Variants in NXF3 observed in about 807,000 individuals in gnomAD.
NXF3 encodes TAP-like protein 3.
In NXF3, 34 loss-of-function variants were observed where a neutral mutation model predicts 48.4. The observed-to-expected ratio is 0.70, with a 90% CI of 0.53 to 0.93. The LOEUF is 0.93. Ranked by LOEUF, NXF3 falls within the 40% of genes least tolerant of loss-of-function variation. NXF3 has a pLI of 0.00. For synonymous variants in NXF3, 132 were observed against 145.7 expected (o/e 0.91, Z 0.68); for missense variants, 359 against 406.1 (o/e 0.88, Z 1.00).
At chrX:103,087,758 A>G (rs1922188670) in intron 1 of NXF3, 1 of 960,988 alleles carries the variant, frequency 1.0e-6, no homozygotes, top group African/African-American at 1.9e-5. Flanking sequence ...GAGGCCTTTT[A>G]AATGTCTCTC....
chrX:103,090,619 G>T (rs952843500), intron 1 of NXF3, among the ~76,000 whole-genome samples: 5 of 112,098 alleles, frequency 4.5e-5, no homozygotes, highest in African/African-American at 1.6e-4. Context: ...CCTCTATTGA[G>T]AATGTGGATA....
intron 1 of NXF3, chrX:103,087,512 C>T: frequency 9.9e-7 from 1 of 1,014,299 alleles, no homozygotes; most frequent in Non-Finnish European, 1.4e-6. Flanking sequence ...CACAATGAAA[C>T]CTATCAGAAT....
At position 103,079,379 on chromosome X, in the gene NXF3, C is replaced by T. The variant is rs1221546342; in HGVS notation, c.1315G>A (p.Val439Met). 4 of 1,209,611 alleles carry T rather than the reference C, an allele frequency of 3.3e-6. No homozygotes were observed. In the Admixed American group the frequency reaches 8.7e-5, roughly 26 times the overall value. Residue 439 changes from valine (V) to methionine (M), a missense_variant, in exon 15 of 20, where the codon GTG becomes ATG. Coordinates refer to ENST00000395065, the MANE Select transcript of NXF3 (RefSeq NM_022052.2). Reference protein sequence around the residue: ...KTQHDLSSFLVDMWYQTEWML... With the variant: ...KTQHDLSSFLMDMWYQTEWML... ...CTCACCGTCTGGTACCACATGTCCA[C>T]CAGGAAGGAGCTGAGGTCATGCTGA...
intron 1 of NXF3, among the ~76,000 whole-genome samples, chrX:103,085,835 A>G (rs1449798079): frequency 9.7e-6 from 1 of 102,667 alleles, no homozygotes; most frequent in Non-Finnish European, 2.0e-5. Context: ...CCCAGGAGGC[A>G]GAGCTTGCAG....
At chrX:103,087,827 G>C in intron 1 of NXF3, 1 of 925,251 alleles carries the variant, frequency 1.1e-6, no homozygotes, top group South Asian at 2.1e-5. Flanking sequence ...TACACATTCA[G>C]AAGACCTTTT....
In NXF3 at chrX:103,082,185, C is replaced by T. The variant is rs770763350; in HGVS notation, c.890+70G>A. ...TGGTCCTCCCAGAAGACTAGTGCTGCCTCCTCCTGCAGAAGGGCGCTATCA... is the reference window on the plus strand; with the variant it reads ...TGGTCCTCCCAGAAGACTAGTGCTGTCTCCTCCTGCAGAAGGGCGCTATCA... On this transcript the variant is annotated intron_variant, in intron 9 of 19. Coordinates refer to ENST00000395065, the MANE Select transcript of NXF3 (RefSeq NM_022052.2). 11 of 689,095 alleles carry T rather than the reference C, an allele frequency of 1.6e-5. No homozygotes were observed. The South Asian group carries it at 2.2e-4, about 14-fold the overall frequency. 56.8% of individuals were successfully genotyped at this position (689,095 alleles called of 1,213,427 possible).
chrX:103,079,114 G>A (rs1921943706), intron 16 of NXF3, 107 bp downstream of exon 16: 1 of 834,783 alleles, frequency 1.2e-6, no homozygotes, highest in Non-Finnish European at 1.8e-6. Flanking sequence ...GGGAACAAGA[G>A]GAAGGAAAGG....
chrX:103,091,286 A>T (rs1922266094), intron 1 of NXF3, among the ~76,000 whole-genome samples: 1 of 112,006 alleles, frequency 8.9e-6, no homozygotes, highest in African/African-American at 3.3e-5. Context: ...AGATGTACTG[A>T]AGTGCTATTT....
chrX:103,084,983 G>C, intron 1 of NXF3, 100 bp from the exon 2 acceptor site: 1 of 841,389 alleles, frequency 1.2e-6, no homozygotes. Context: ...TATTTATTTA[G>C]AGTCAGGATC....
chrX:103,082,426 T>C, intron 8 of NXF3, 62 bp from the exon 9 acceptor site: 1 of 759,420 alleles, frequency 1.3e-6, no homozygotes, highest in Non-Finnish European at 2.0e-6. Context: ...CCCTGCACCC[T>C]CAGTCTCCTC....
chrX:103,082,822 C>T lies in NXF3; in HGVS notation c.718G>A (p.Ala240Thr). The T allele has an allele frequency of 2.5e-6, 3 of 1,210,055 alleles. No individual in the cohort carries two copies. The highest frequency in any genetic ancestry group is 3.4e-6 in the Non-Finnish European group (3 of 894,126). The change falls in exon 8 of 20, where the codon GCA becomes ACA. Residue 240 changes from alanine to threonine, a missense_variant. Ala to Thr is a moderately conservative substitution (Grantham distance 58). Transcript: ENST00000395065. The part of the protein sequence containing the change: ...PDMVNRDTKM[A>T]SNPRKCMAAS... Reference sequence around the variant, plus strand: ...GCCATGCACTTTCTAGGATTCGATGCCATCTTAGTATCACGGTTCACCATG... The same window carrying T: ...GCCATGCACTTTCTAGGATTCGATGTCATCTTAGTATCACGGTTCACCATG...
At chrX:103,084,564 G>A in intron 2 of NXF3, 69 bp from the exon 3 acceptor site, 3 of 1,149,227 alleles carry the variant, frequency 2.6e-6, no homozygotes, top group Non-Finnish European at 3.6e-6. Context: ...TTGATCCACT[G>A]ATACCAGGGC....
intron 5 of NXF3, 46 bp from the exon 6 acceptor site, chrX:103,083,319 C>T (rs1426290458): frequency 1.4e-5 from 17 of 1,179,297 alleles, no homozygotes; most frequent in Non-Finnish European, 2.0e-5. Context: ...GGAACTCTGA[C>T]CCCCAAGATC....
chrX:103,087,457 C>A (rs182476811), intron 1 of NXF3: 6 of 1,076,090 alleles, frequency 5.6e-6, no homozygotes, highest in Non-Finnish European at 7.8e-6. Context: ...TGTTTGTCAG[C>A]GCCACTTAAA....
Position 103,075,894 on chromosome X carries a change from G to C in NXF3, c.*156C>G. The C allele has an allele frequency of 5.2e-6, 1 of 193,014 alleles. No homozygotes were observed. Among genetic ancestry groups the C allele is most frequent in the Non-Finnish European group, 9.6e-6 (1 of 104,654 alleles). 15.9% of individuals were successfully genotyped at this position (193,014 alleles called of 1,213,427 possible). On this transcript the variant is annotated 3_prime_UTR_variant, in exon 20 of 20. Transcript: ENST00000395065. Reference sequence around the variant, plus strand: ...CTGGGGGTAACAGGGGTGGACAAGTGCACAGAACAACTGGCCCCTTTGGAA... The same window carrying C: ...CTGGGGGTAACAGGGGTGGACAAGTCCACAGAACAACTGGCCCCTTTGGAA...
At chrX:103,084,535 G>C (rs186991324) in intron 2 of NXF3, 40 bp from the exon 3 acceptor site, 1 of 1,194,225 alleles carries the variant, frequency 8.4e-7, no homozygotes, top group Admixed American at 2.2e-5. Context: ...CATATGCTCC[G>C]AAAGTATTTT....
chrX:103,081,601 C>T (rs1272764908), intron 9 of NXF3: 1 of 112,734 alleles, frequency 8.9e-6, no homozygotes, highest in East Asian at 2.8e-4. Flanking sequence ...GTCTCCTCAA[C>T]CTCCTCTGCC....
chrX:103,085,095 G>A (rs1275587448), intron 1 of NXF3, among the ~76,000 whole-genome samples: 2 of 111,297 alleles, frequency 1.8e-5, no homozygotes, highest in African/African-American at 6.5e-5. Flanking sequence ...CTCCCAAGTA[G>A]CTGGGACTAC....
At position 103,077,532 on chromosome X, in the gene NXF3, G is replaced by A. The variant is rs183665555; in HGVS notation, c.1584+82C>T. ...CTCCCAAAGTGCTGGGATTACAGGC[G>A]TGAGCCACCGCGCCCGGCCCAGCAC... is the stretch of plus-strand genomic sequence containing the variant. On this transcript the variant is annotated intron_variant, in intron 18 of 19. Coordinates refer to ENST00000395065, the MANE Select transcript of NXF3 (RefSeq NM_022052.2). 3.9e-5 allele frequency: 44 copies of A among 1,116,379 alleles called. 2 individuals are homozygous for A. The highest frequency in any genetic ancestry group is 3.1e-4 in the South Asian group (16 of 51,724). The allele number at this position is 1,116,379 out of a possible 1,213,427, so 92.0% of individuals were successfully genotyped here. A position where few individuals can be genotyped will look rare whatever the true frequency, so the allele number is the denominator to read the frequency against.
Sources: gnomAD v4.1 joint callset for allele counts (sites outside exome capture counted in the v4.1 genomes callset) on GRCh38, gnomAD v4.1.1 for gene constraint, MANE v1.5 for transcripts, NCBI Gene and HGNC (gene_info 2026-07-23, HGNC 2026-07-21) for gene names.